ECHDC1: variants seen among roughly 807,000 people sequenced by gnomAD.
The protein encoded by ECHDC1 is ethylmalonyl-CoA decarboxylase.
In ECHDC1, 29 loss-of-function variants were observed where a neutral mutation model predicts 29.7. That is an observed-to-expected ratio of 0.98 (90% confidence interval 0.73 to 1.33). The LOEUF is 1.33. Ranked by LOEUF, ECHDC1 falls within the 40% of genes most tolerant of loss-of-function variation. ECHDC1 has a pLI of 0.00. For missense variants in ECHDC1, 328 were observed against 350.0 expected, an observed-to-expected ratio of 0.94 and a Z score of 0.50; for synonymous variants, 126 against 123.1, an observed-to-expected ratio of 1.02 and a Z score of -0.15.
intron 1 of ECHDC1, among the ~76,000 whole-genome samples, chr6:127,338,902 C>T (rs189067371): frequency 1.3e-5 from 2 of 152,272 alleles, no homozygotes; most frequent in African/African-American, 2.4e-5. Flanking sequence ...TGTTCTATTT[C>T]TTAACCTAGA....
chr6:127,326,423 C>G (rs1351645427), intron 3 of ECHDC1: 1 of 377,738 alleles, frequency 2.6e-6, no homozygotes, highest in Non-Finnish European at 5.5e-6. Flanking sequence ...ACTACCCAGT[C>G]TCAGGTAGAT....
intron 5 of ECHDC1, among the ~76,000 whole-genome samples, chr6:127,301,026 ATTAATT>A (rs1781013684): frequency 6.6e-6 from 1 of 152,232 alleles, no homozygotes; most frequent in Admixed American, 6.5e-5. Context: ...ATTTCCTCAC[ATTAATT>A]TTGTCACTAA....
chr6:127,341,613 A>T (rs1207088018), intron 1 of ECHDC1: 5 of 152,182 alleles, frequency 3.3e-5, no homozygotes, highest in Non-Finnish European at 7.3e-5. Context: ...GATTCAGTGG[A>T]GCTGAACAAG....
intron 3 of ECHDC1, among the ~76,000 whole-genome samples, chr6:127,319,930 TA>T (rs1211679854): frequency 1.6e-4 from 24 of 152,364 alleles, no homozygotes; most frequent in African/African-American, 5.0e-4. Flanking sequence ...AGAAGTATCT[TA>T]TTTAGAAACA....
intron 3 of ECHDC1, among the ~76,000 whole-genome samples, chr6:127,319,832 GAAC>G (rs1259286783): frequency 6.6e-6 from 1 of 152,068 alleles, no homozygotes; most frequent in Non-Finnish European, 1.5e-5. Context: ...AGGATAAGAA[GAAC>G]AATGCTCAAC....
At chr6:127,316,952 C>A (rs1782434765) in intron 3 of ECHDC1, among the ~76,000 whole-genome samples, 1 of 152,066 alleles carries the variant, frequency 6.6e-6, no homozygotes, top group Admixed American at 6.6e-5. Flanking sequence ...TTTTCACAAA[C>A]AAATTTCCTA....
chr6:127,314,844 C>T lies in ECHDC1; in HGVS notation c.469G>A (p.Ala157Thr). The change falls in exon 5 of 6, where the codon GCA becomes ACA. Residue 157 changes from alanine (A) to threonine (T), a missense_variant. Ala to Thr is a moderately conservative substitution (Grantham distance 58). Coordinates refer to ENST00000454859, the MANE Select transcript of ECHDC1 (RefSeq NM_001002030.2). ...LVQGWALGGG[A>T]EFTTACDFRL... ...AAATCACATGCTGTAGTAAATTCTGCTCCTCCACCCAATGCCCAACCTTGA... is the reference window on the plus strand; with the variant it reads ...AAATCACATGCTGTAGTAAATTCTGTTCCTCCACCCAATGCCCAACCTTGA... 2 of 1,611,146 alleles carry T rather than the reference C, an allele frequency of 1.2e-6. No homozygotes were observed. The highest frequency in any genetic ancestry group is 8.5e-7 in the Non-Finnish European group (1 of 1,178,718).
At position 127,321,373 on chromosome 6, in the gene ECHDC1, C is replaced by G. The variant is rs117931348; in HGVS notation, c.364-4871G>C. Among the ~76,000 whole-genome samples the G allele has an allele frequency of 4.2e-4, 64 of 152,194 alleles. No homozygotes were observed. In the East Asian group the frequency reaches 0.011, roughly 27 times the overall value. ...GCATTTATATGTTGCAGCTGTAACTCATATATAATACATGTATAAGCCTCA... is the reference window on the plus strand; with the variant it reads ...GCATTTATATGTTGCAGCTGTAACTGATATATAATACATGTATAAGCCTCA... On this transcript the variant is annotated intron_variant, in intron 3 of 5. Coordinates refer to ENST00000454859, the MANE Select transcript of ECHDC1 (RefSeq NM_001002030.2).
At chr6:127,315,397 T>C (rs1782279044) in intron 4 of ECHDC1, 3 of 297,842 alleles carry the variant, frequency 1.0e-5, no homozygotes, top group Non-Finnish European at 2.0e-5. Flanking sequence ...AAAAATCTAC[T>C]CATTGTTGCC....
intron 4 of ECHDC1, 30 bp downstream of exon 4, chr6:127,316,420 A>T (rs1412518790): frequency 6.3e-7 from 1 of 1,577,816 alleles, no homozygotes; most frequent in African/African-American, 1.4e-5. Context: ...GTCTTTTAGA[A>T]ATCATATTTT....
intron 5 of ECHDC1, among the ~76,000 whole-genome samples, chr6:127,307,125 A>G (rs1300670321): frequency 1.3e-5 from 2 of 152,200 alleles, no homozygotes; most frequent in East Asian, 3.9e-4. Flanking sequence ...AGAACAAATG[A>G]TAATGAAGTA....
chr6:127,311,669 CA>C (rs71272311), intron 5 of ECHDC1, among the ~76,000 whole-genome samples: 516 of 25,000 alleles, frequency 0.021, no homozygotes, highest in Non-Finnish European at 0.028. Context: ...GGCTCTGTCT[CA>C]AAAAAAAAAA....
At chr6:127,318,720 T>C (rs1782595468) in intron 3 of ECHDC1, among the ~76,000 whole-genome samples, 1 of 152,204 alleles carries the variant, frequency 6.6e-6, no homozygotes, top group Non-Finnish European at 1.5e-5. Flanking sequence ...CCTCAGACGC[T>C]AGTAAAATGT....
intron 5 of ECHDC1, among the ~76,000 whole-genome samples, chr6:127,307,675 ATAATACAAAAGAGCAATGAAAC>A (rs1781554323): frequency 6.7e-6 from 1 of 149,604 alleles, no homozygotes; most frequent in Non-Finnish European, 1.5e-5. Flanking sequence ...CAGAAAGAAA[ATAATACAAAAGAGCAATGAAAC>A]AAAAAGTTGT....
chr6:127,314,820 A>C lies in ECHDC1; in HGVS notation c.493T>G (p.Phe165Val), dbSNP rs1378849992. The change falls in exon 5 of 6, where the codon TTC becomes GTC. Residue 165 changes from phenylalanine to valine, a missense_variant. Transcript: ENST00000454859. ...GGAEFTTACD[F>V]RLMTPESKIR... ...TTAATGAAATTTTCATCCTACCTGAAATCACATGCTGTAGTAAATTCTGCT... is the reference window on the plus strand; with the variant it reads ...TTAATGAAATTTTCATCCTACCTGACATCACATGCTGTAGTAAATTCTGCT... 8 of 1,602,480 alleles carry C rather than the reference A, an allele frequency of 5.0e-6. No homozygotes were observed. The highest frequency in any genetic ancestry group is 1.3e-5 in the African/African-American group (1 of 74,392).
chr6:127,292,210 T>C lies in ECHDC1; in HGVS notation c.498-1933A>G, dbSNP rs559234904. On this transcript the variant is annotated intron_variant, in intron 5 of 5. Coordinates refer to ENST00000454859, the MANE Select transcript of ECHDC1 (RefSeq NM_001002030.2). ...AGGAATAGATTCATTTAGAATCAGC[T>C]GAACATAAAAACTGGTTAAAGTCCT... Among the ~76,000 whole-genome samples, 6 of 152,182 alleles carry C rather than the reference T, an allele frequency of 3.9e-5. No homozygotes were observed. The South Asian group carries it at 1.2e-3, about 31-fold the overall frequency.
At chr6:127,327,859 T>A (rs2114669756) in intron 2 of ECHDC1, among the ~76,000 whole-genome samples, 1 of 152,372 alleles carries the variant, frequency 6.6e-6, no homozygotes, top group Admixed American at 6.5e-5. Flanking sequence ...GACTGGCATT[T>A]TAAGATCTAA....
chr6:127,293,568 A>G (rs1389006686), intron 5 of ECHDC1, among the ~76,000 whole-genome samples: 1 of 152,190 alleles, frequency 6.6e-6, no homozygotes, highest in Non-Finnish European at 1.5e-5. Flanking sequence ...GTGTCTCTTG[A>G]TAGATACTTT....
At chr6:127,311,707 A>AAAAGAAAGAAAG (rs71024773) in intron 5 of ECHDC1, among the ~76,000 whole-genome samples, 1 of 88,958 alleles carries the variant, frequency 1.1e-5, no homozygotes, top group Non-Finnish European at 2.0e-5. Flanking sequence ...AAGAAAAGAA[A>AAAAGAAAGAAAG]AAAGAAAGAA....
Sources: gnomAD v4.1 joint callset for allele counts (sites outside exome capture counted in the v4.1 genomes callset) on GRCh38, gnomAD v4.1.1 for gene constraint, MANE v1.5 for transcripts, NCBI Gene and HGNC (gene_info 2026-07-23, HGNC 2026-07-21) for gene names.